IQSEC1: variants seen among roughly 807,000 people sequenced by gnomAD.
The protein encoded by IQSEC1 is IQ motif and SEC7 domain-containing protein 1.
Under a neutral mutation model 91.0 loss-of-function variants are expected in IQSEC1, and 31 were observed. The observed-to-expected ratio is 0.34, with a 90% CI of 0.26 to 0.46. IQSEC1 has a LOEUF of 0.46. IQSEC1 is among the 20% of genes least tolerant of loss of function. The pLI is 1.00. For missense variants in IQSEC1, 1,388 were observed against 1,575.6 expected (o/e 0.88, Z 2.02); for synonymous variants, 699 against 662.6 (o/e 1.05, Z -0.84).
chr3:13,037,133 T>TA (rs1035469117), intron 1 of IQSEC1, among the ~76,000 whole-genome samples: 5 of 151,988 alleles, frequency 3.3e-5, no homozygotes, highest in South Asian at 2.1e-4. Context: ...CTCTTTACAT[T>TA]AAAAAAACCA....
intron 1 of IQSEC1, among the ~76,000 whole-genome samples, chr3:13,066,914 C>T (rs1161099327): frequency 2.6e-5 from 4 of 152,184 alleles, no homozygotes; most frequent in Non-Finnish European, 2.9e-5. Context: ...GGTGAGTGAT[C>T]GGCAGGATGG....
intron 1 of IQSEC1, among the ~76,000 whole-genome samples, chr3:12,981,747 C>T (rs1032564755): frequency 7.9e-5 from 12 of 152,176 alleles, no homozygotes; most frequent in South Asian, 2.1e-4. Context: ...AAAGGACACC[C>T]GGAAGAGCTA....
chr3:12,978,304 T>TG (rs1701282667), intron 1 of IQSEC1, among the ~76,000 whole-genome samples: 1 of 152,156 alleles, frequency 6.6e-6, no homozygotes, highest in African/African-American at 2.4e-5. Flanking sequence ...GTCCTCAAAG[T>TG]GGGGTCCTAG....
chr3:13,272,225 C>G (rs1037608701), intron 1 of IQSEC1, among the ~76,000 whole-genome samples: 3 of 152,106 alleles, frequency 2.0e-5, no homozygotes, highest in African/African-American at 7.2e-5. Flanking sequence ...CCTCAGTTCC[C>G]CCATATATAC....
intron 1 of IQSEC1, among the ~76,000 whole-genome samples, chr3:13,067,927 TG>T (rs1705289990): frequency 6.6e-6 from 1 of 152,184 alleles, no homozygotes; most frequent in Non-Finnish European, 1.5e-5. Flanking sequence ...CAGGGGGCCT[TG>T]GGGGGCTTCA....
At chr3:13,162,564 G>A (rs1263737590) in intron 2 of IQSEC1, among the ~76,000 whole-genome samples, 1 of 152,184 alleles carries the variant, frequency 6.6e-6, no homozygotes, top group African/African-American at 2.4e-5. Context: ...CCTGCCCCTT[G>A]CCCTCCCTCT....
At chr3:13,283,132 C>T (rs897803971) in exon 1 of IQSEC1, among the ~76,000 whole-genome samples, 1 of 145,320 alleles carries the variant, frequency 6.9e-6, no homozygotes, top group Non-Finnish European at 1.5e-5. Flanking sequence ...CGGCGCCGCC[C>T]CCGGGGCCCC....
At chr3:12,932,433 A>C (rs563271595) in intron 3 of IQSEC1, among the ~76,000 whole-genome samples, 1 of 152,202 alleles carries the variant, frequency 6.6e-6, no homozygotes, top group South Asian at 2.1e-4. Context: ...TCTACCAACT[A>C]TGTGAGACTC....
chr3:13,013,181 G>A (rs111228133), intron 1 of IQSEC1, among the ~76,000 whole-genome samples: 3,366 of 152,128 alleles, frequency 0.022, 55 homozygotes, highest in African/African-American at 0.037. Flanking sequence ...GGCTGGTCTC[G>A]ATCTCCTGAC....
At chr3:13,147,033 A>G (rs533424669) in intron 2 of IQSEC1, among the ~76,000 whole-genome samples, 1 of 152,180 alleles carries the variant, frequency 6.6e-6, no homozygotes, top group Non-Finnish European at 1.5e-5. Flanking sequence ...GAGAACCTCA[A>G]TTTCCTCATC....
At chr3:13,245,595 C>T (rs1359376801) in intron 1 of IQSEC1, among the ~76,000 whole-genome samples, 1 of 152,050 alleles carries the variant, frequency 6.6e-6, no homozygotes, top group African/African-American at 2.4e-5. Flanking sequence ...GGCAAAACCC[C>T]ATCTCTACTA....
chr3:12,944,464 C>T (rs1699036952), intron 1 of IQSEC1, among the ~76,000 whole-genome samples: 1 of 152,176 alleles, frequency 6.6e-6, no homozygotes, highest in Non-Finnish European at 1.5e-5. Flanking sequence ...ACTGTCTGAC[C>T]CCAGAGCTCA....
chr3:13,179,219 C>G (rs569293459), intron 1 of IQSEC1, among the ~76,000 whole-genome samples: 2 of 152,270 alleles, frequency 1.3e-5, no homozygotes, highest in East Asian at 3.9e-4. Context: ...AGCAGCAGGA[C>G]CTAGACCAAA....
Position 12,962,413 on chromosome 3 carries a change from C to T in IQSEC1, c.24-20548G>A, listed in dbSNP as rs560502712. On this transcript the variant is annotated intron_variant, in intron 1 of 13. Transcript: ENST00000613206. Reference sequence around the variant, plus strand: ...TTCATGTTGGCAGACAGACTCTGATCCGGTCTGGGCAGCAGGGGATTTTGG... The same window carrying T: ...TTCATGTTGGCAGACAGACTCTGATTCGGTCTGGGCAGCAGGGGATTTTGG... 1.2e-4 allele frequency among the ~76,000 whole-genome samples: 19 copies of T among 152,338 alleles called. No homozygotes were observed. The South Asian group carries it at 3.7e-3, about 30-fold the overall frequency.
At chr3:12,904,574 C>T (rs955221125) in intron 12 of IQSEC1, among the ~76,000 whole-genome samples, 3 of 152,214 alleles carry the variant, frequency 2.0e-5, no homozygotes, top group African/African-American at 4.8e-5. Flanking sequence ...TCCAGCCTCC[C>T]AGGACATGGC....
chr3:13,058,306 C>A (rs1266219570), intron 1 of IQSEC1, among the ~76,000 whole-genome samples: 6 of 152,202 alleles, frequency 3.9e-5, no homozygotes, highest in Non-Finnish European at 8.8e-5. Context: ...ATTTTCAAAC[C>A]CCTGTGGGCC....
At chr3:13,248,015 T>C (rs1695136572) in intron 1 of IQSEC1, among the ~76,000 whole-genome samples, 1 of 152,162 alleles carries the variant, frequency 6.6e-6, no homozygotes, top group Non-Finnish European at 1.5e-5. Flanking sequence ...GAGTGTAGGT[T>C]TGGATGTCAA....
Position 12,909,468 on chromosome 3 carries a change from G to A in IQSEC1, c.2417-34C>T, listed in dbSNP as rs756345213. ...GGGAAGGAGAGGGGAGGAGGCCCAC[G>A]GGTCTCAGTGTGTTCTCTGCAATCT... On this transcript the variant is annotated intron_variant, in intron 10 of 13. Transcript: ENST00000613206. This position sits in a 1 kb window ranked among gnomAD's most constrained non-coding sequence, Gnocchi z 4.9. 6.3e-6 allele frequency: 10 copies of A among 1,595,378 alleles called. No homozygotes were observed. The highest frequency in any genetic ancestry group is 5.0e-5 in the Admixed American group (3 of 59,588).
At chr3:13,016,917 C>T (rs755172291) in intron 1 of IQSEC1, among the ~76,000 whole-genome samples, 1 of 152,200 alleles carries the variant, frequency 6.6e-6, no homozygotes, top group Non-Finnish European at 1.5e-5. Flanking sequence ...CACGGCAAAC[C>T]TACCTCCCGT....
Sources: allele counts gnomAD v4.1 joint callset (sites outside exome capture counted in the v4.1 genomes callset), GRCh38; gene constraint gnomAD v4.1.1; non-coding constraint Gnocchi (gnomAD v3.1); transcripts MANE v1.5; gene names NCBI Gene and HGNC (gene_info 2026-07-23, HGNC 2026-07-21).